The following RARB variants were observed in gnomAD, a reference collection of about 807,000 sequenced individuals.
The protein encoded by RARB is HBV-activated protein.
In RARB, 17 loss-of-function variants were observed where a neutral mutation model predicts 51.9. The observed-to-expected ratio is 0.33, with a 90% CI of 0.22 to 0.49. The LOEUF (loss-of-function observed/expected upper bound fraction) is 0.49. RARB is among the 20% of genes least tolerant of loss of function. The pLI, the probability that RARB is intolerant of heterozygous loss-of-function variation, is 0.99. For missense variants in RARB, 369 were observed against 550.8 expected, an observed-to-expected ratio of 0.67 and a Z score of 3.30; for synonymous variants, 215 against 195.4, an observed-to-expected ratio of 1.10 and a Z score of -0.84.
intron 2 of RARB, chr3:25,020,116 T>C (rs1697598789): frequency 2.6e-5 from 1 of 38,092 alleles, no homozygotes; most frequent in East Asian, 4.6e-3. Context: ...ATTATTATTA[T>C]TATTATTATT....
At chr3:25,018,860 T>C (rs551257872) in intron 2 of RARB, among the ~76,000 whole-genome samples, 3 of 152,106 alleles carry the variant, frequency 2.0e-5, no homozygotes, top group African/African-American at 7.2e-5. Context: ...TAAGAAACTT[T>C]CGTAAGCACC....
At chr3:24,924,715 G>A (rs973932001) in intron 2 of RARB, among the ~76,000 whole-genome samples, 1 of 152,210 alleles carries the variant, frequency 6.6e-6, no homozygotes, top group East Asian at 1.9e-4. Context: ...TCTCAATCCT[G>A]TATTTTGGGA....
rs1266961437 is a variant in RARB, at chr3:25,063,723, T to A, written c.-328+3547T>A. On this transcript the variant is annotated intron_variant, in intron 3 of 11. Coordinates refer to the RARB transcript ENST00000383772. Reference sequence around the variant, plus strand: ...TAGTTTGAGACTTTTTTTTTTTTTTTTTAAAAAGATGAGGAAACAGACCTT... The same window carrying A: ...TAGTTTGAGACTTTTTTTTTTTTTTATTAAAAAGATGAGGAAACAGACCTT... Among the ~76,000 whole-genome samples the A allele has an allele frequency of 5.5e-3, 826 of 149,682 alleles. 2 individuals are homozygous for A. The highest frequency in any genetic ancestry group is 0.015 in the East Asian group (76 of 5,104).
chr3:25,358,384 G>C (rs1705818443), intron 5 of RARB, among the ~76,000 whole-genome samples: 1 of 151,950 alleles, frequency 6.6e-6, no homozygotes, highest in African/African-American at 2.4e-5. Context: ...TTTTGGGCTG[G>C]GACAACGGGG....
At chr3:25,287,304 C>A (rs746640700) in intron 5 of RARB, among the ~76,000 whole-genome samples, 1 of 152,180 alleles carries the variant, frequency 6.6e-6, no homozygotes. Flanking sequence ...TTTTCCCTTA[C>A]ACTCTGCATT....
In RARB at chr3:25,080,502, C is replaced by T. The variant is rs117864364; in HGVS notation, c.-328+20326C>T. Among the ~76,000 whole-genome samples, 656 of 152,268 alleles carry T rather than the reference C, an allele frequency of 4.3e-3. 16 individuals are homozygous for T. The East Asian group carries it at 0.062, about 14-fold the overall frequency. On this transcript the variant is annotated intron_variant, in intron 3 of 11. Coordinates refer to the RARB transcript ENST00000383772. The stretch of plus-strand genomic sequence containing the variant: ...TTGAGGAACTGCCAAACTGTATTTC[C>T]GCAGCAGCTATACCATTTTGCATTC...
chr3:25,305,844 G>A (rs1704141344), intron 5 of RARB, among the ~76,000 whole-genome samples: 1 of 152,198 alleles, frequency 6.6e-6, no homozygotes, highest in Non-Finnish European at 1.5e-5. Context: ...ACTCAAGATT[G>A]AAGAGTAAAA....
intron 5 of RARB, among the ~76,000 whole-genome samples, chr3:25,317,389 G>A (rs1033906573): frequency 4.6e-5 from 7 of 152,126 alleles, no homozygotes; most frequent in African/African-American, 1.7e-4. Context: ...AATTAACTAT[G>A]CCAGTTCTGG....
chr3:25,517,490 A>G (rs1199215513), intron 3 of RARB, among the ~76,000 whole-genome samples: 2 of 152,210 alleles, frequency 1.3e-5, no homozygotes, highest in African/African-American at 2.4e-5. Flanking sequence ...AAGACGAGCA[A>G]TAACAAATGT....
At chr3:25,373,309 C>A (rs1283781177) in intron 5 of RARB, among the ~76,000 whole-genome samples, 1 of 151,994 alleles carries the variant, frequency 6.6e-6, no homozygotes, top group Non-Finnish European at 1.5e-5. Flanking sequence ...AAGAAGGAAT[C>A]CCAGGAGACT....
intron 5 of RARB, among the ~76,000 whole-genome samples, chr3:25,211,455 T>G (rs1701696146): frequency 6.6e-6 from 1 of 152,224 alleles, no homozygotes; most frequent in Non-Finnish European, 1.5e-5. Flanking sequence ...TAGTATGTTT[T>G]GCAATATATT....
intron 2 of RARB, among the ~76,000 whole-genome samples, chr3:24,927,101 A>ATGAGG (rs1695336470): frequency 6.6e-6 from 1 of 152,152 alleles, no homozygotes; most frequent in Non-Finnish European, 1.5e-5. Context: ...AACCTCATAT[A>ATGAGG]TTCTCAAATT....
At chr3:25,133,480 A>T (rs1226246171) in intron 4 of RARB, among the ~76,000 whole-genome samples, 2 of 152,016 alleles carry the variant, frequency 1.3e-5, no homozygotes, top group East Asian at 3.9e-4. Flanking sequence ...AAATATTAAA[A>T]GGGAAACAAA....
chr3:25,146,942 A>G (rs17576629), intron 4 of RARB, among the ~76,000 whole-genome samples: 12,920 of 152,218 alleles, frequency 0.085, 715 homozygotes, highest in Non-Finnish European at 0.13. Flanking sequence ...TCAGAACTGC[A>G]TGGTAGACTT....
intron 5 of RARB, among the ~76,000 whole-genome samples, chr3:25,587,830 A>G (rs1398107351): frequency 6.6e-6 from 1 of 152,246 alleles, no homozygotes; most frequent in Non-Finnish European, 1.5e-5. Context: ...GTTGCCAAAC[A>G]CAATCAGTGT....
chr3:25,139,727 C>G (rs1372552047), intron 4 of RARB, among the ~76,000 whole-genome samples: 1 of 152,078 alleles, frequency 6.6e-6, no homozygotes, highest in African/African-American at 2.4e-5. Flanking sequence ...AGGAAACAAC[C>G]TTATATTGGA....
At chr3:24,982,125 G>C (rs987067279) in intron 2 of RARB, among the ~76,000 whole-genome samples, 2 of 152,214 alleles carry the variant, frequency 1.3e-5, no homozygotes, top group African/African-American at 4.8e-5. Flanking sequence ...TGTGTGGTCA[G>C]ATGATATCTG....
At chr3:25,263,894 G>C (rs1420487078) in intron 5 of RARB, among the ~76,000 whole-genome samples, 1 of 152,140 alleles carries the variant, frequency 6.6e-6, no homozygotes, top group Non-Finnish European at 1.5e-5. Flanking sequence ...AGTTCTGAAG[G>C]GGGAGAGCCC....
At chr3:24,985,305 C>A (rs1696764014) in intron 2 of RARB, among the ~76,000 whole-genome samples, 1 of 151,846 alleles carries the variant, frequency 6.6e-6, no homozygotes, top group South Asian at 2.1e-4. Flanking sequence ...ATCGGACTTA[C>A]ACTGCTTCCA....
Sources: gnomAD v4.1 joint callset for allele counts (sites outside exome capture counted in the v4.1 genomes callset) on GRCh38, gnomAD v4.1.1 for gene constraint, MANE v1.5 for transcripts, NCBI Gene and HGNC (gene_info 2026-07-23, HGNC 2026-07-21) for gene names.